SIPA1L1: variants seen among roughly 807,000 people sequenced by gnomAD.
The protein encoded by SIPA1L1 is signal induced proliferation associated 1 like 1, also known as signal-induced proliferation-associated 1-like protein 1.
Under a neutral mutation model 162.7 loss-of-function variants are expected in SIPA1L1, and 26 were observed. That is an observed-to-expected ratio of 0.16 (90% CI 0.12 to 0.22). SIPA1L1 has a LOEUF of 0.22. Among genes scored for constraint, SIPA1L1 ranks in the 10% least tolerant of loss-of-function variants. The probability of loss-of-function intolerance (pLI) is 1.00; values close to 1 mark genes in which losing one functional copy is unlikely to be tolerated. For synonymous variants in SIPA1L1, 829 were observed against 837.4 expected, an observed-to-expected ratio of 0.99 and a Z score of 0.17; for missense variants, 1,874 against 2,241.0, an observed-to-expected ratio of 0.84 and a Z score of 3.31.
chr14:71,465,642 G>A (rs559885982), intron 2 of SIPA1L1, among the ~76,000 whole-genome samples: 10 of 152,196 alleles, frequency 6.6e-5, no homozygotes, highest in South Asian at 4.2e-4. Context: ...CAGAAACCCC[G>A]AAACCAATGA....
intron 3 of SIPA1L1, among the ~76,000 whole-genome samples, chr14:71,517,407 C>T (rs2051851342): frequency 6.6e-6 from 1 of 152,112 alleles, no homozygotes. Flanking sequence ...CATCATGGTT[C>T]ACTGATTTTC....
chr14:71,674,658 G>A (rs1232325142), intron 12 of SIPA1L1, among the ~76,000 whole-genome samples: 5 of 148,928 alleles, frequency 3.4e-5, no homozygotes, highest in East Asian at 2.0e-4. Flanking sequence ...TCCGCCTCCC[G>A]GGTTCACGCC....
chr14:71,345,662 C>A (rs981367406), intron 2 of SIPA1L1, among the ~76,000 whole-genome samples: 8 of 150,468 alleles, frequency 5.3e-5, no homozygotes, highest in East Asian at 2.0e-4. Flanking sequence ...CAAGCTCTGC[C>A]TCCCGAGTTC....
At chr14:71,622,939 T>G (rs79166844) in intron 6 of SIPA1L1, among the ~76,000 whole-genome samples, 1 of 152,310 alleles carries the variant, frequency 6.6e-6, no homozygotes, top group African/African-American at 2.4e-5. Context: ...CAATAATCAC[T>G]CCTTCCCACT....
In SIPA1L1 at chr14:71,587,554, A is replaced by T. The variant is rs1485637723; in HGVS notation, c.-302-17A>T. On this transcript the variant is annotated splice_polypyrimidine_tract_variant and intron_variant, in intron 4 of 23. Coordinates refer to ENST00000381232, the MANE Select transcript of SIPA1L1 (RefSeq NM_001386936.1). ...ATGTATTTATCTGCTAATTCAAATTATCCTTTTCTCTTTTAGAGAAAGCAT... is the reference window on the plus strand; with the variant it reads ...ATGTATTTATCTGCTAATTCAAATTTTCCTTTTCTCTTTTAGAGAAAGCAT... 2.4e-6 allele frequency: 1 copy of T among 411,230 alleles called. No individual in the cohort carries two copies. The highest frequency in any genetic ancestry group is 4.3e-6 in the Non-Finnish European group (1 of 232,732). The allele number at this position is 411,230 out of a possible 1,614,324, so 25.5% of individuals were successfully genotyped here.
chr14:71,538,309 G>A (rs2054083112), intron 4 of SIPA1L1, among the ~76,000 whole-genome samples: 2 of 151,604 alleles, frequency 1.3e-5, no homozygotes, highest in African/African-American at 4.8e-5. Context: ...TAAATTAGCC[G>A]AAATAAAATT....
intron 2 of SIPA1L1, among the ~76,000 whole-genome samples, chr14:71,462,716 C>T (rs148963336): frequency 1.3e-5 from 2 of 152,254 alleles, no homozygotes; most frequent in East Asian, 3.9e-4. Context: ...GTGTCTTGCT[C>T]ACTAGATCCA....
At chr14:71,685,237 A>G in intron 12 of SIPA1L1, 125 bp from the exon 13 acceptor site, 1 of 1,031,292 alleles carries the variant, frequency 9.7e-7, no homozygotes, top group Non-Finnish European at 1.4e-6. Flanking sequence ...AAAGATTGAA[A>G]GGTGGTTTGA....
chr14:71,502,031 C>G (rs1028918647), intron 2 of SIPA1L1, among the ~76,000 whole-genome samples: 11 of 133,556 alleles, frequency 8.2e-5, no homozygotes, highest in African/African-American at 3.1e-4. Flanking sequence ...TAGTAAGACC[C>G]TGTTTCCAAA....
At chr14:71,408,873 T>G (rs922905717) in intron 2 of SIPA1L1, among the ~76,000 whole-genome samples, 2 of 152,214 alleles carry the variant, frequency 1.3e-5, no homozygotes, top group South Asian at 2.1e-4. Context: ...TGCTTATTAG[T>G]TGTGTGACCA....
intron 18 of SIPA1L1, among the ~76,000 whole-genome samples, chr14:71,724,125 A>G (rs1228365522): frequency 6.6e-6 from 1 of 152,164 alleles, no homozygotes; most frequent in Non-Finnish European, 1.5e-5. Flanking sequence ...AGATCTTGAA[A>G]AGAGTGTGTT....
At chr14:71,322,728 A>C (rs959097956) in intron 2 of SIPA1L1, among the ~76,000 whole-genome samples, 5 of 152,242 alleles carry the variant, frequency 3.3e-5, no homozygotes, top group African/African-American at 1.2e-4. Context: ...GTCTCTGACA[A>C]CTAATTTTCT....
At chr14:71,496,879 A>G (rs1208959890) in intron 2 of SIPA1L1, among the ~76,000 whole-genome samples, 1 of 152,188 alleles carries the variant, frequency 6.6e-6, no homozygotes, top group Non-Finnish European at 1.5e-5. Context: ...AATCCTTTAA[A>G]AATGATCCTG....
intron 7 of SIPA1L1, among the ~76,000 whole-genome samples, chr14:71,646,114 G>A (rs1347812371): frequency 3.3e-5 from 5 of 151,744 alleles, no homozygotes; most frequent in East Asian, 1.9e-4. Context: ...TGACTTTATC[G>A]TCCATCTTTC....
At chr14:71,502,035 T>G (rs2050258056) in intron 2 of SIPA1L1, among the ~76,000 whole-genome samples, 1 of 143,208 alleles carries the variant, frequency 7.0e-6, no homozygotes, top group African/African-American at 2.6e-5. Context: ...AAGACCCTGT[T>G]TCCAAAAAAA....
intron 2 of SIPA1L1, among the ~76,000 whole-genome samples, chr14:71,417,728 A>G (rs899929479): frequency 2.6e-5 from 4 of 151,954 alleles, no homozygotes; most frequent in South Asian, 2.1e-4. Context: ...TTTTAAGTGG[A>G]CATGCACAGT....
chr14:71,430,277 A>T (rs2043886895), intron 2 of SIPA1L1, among the ~76,000 whole-genome samples: 1 of 152,038 alleles, frequency 6.6e-6, no homozygotes, highest in Non-Finnish European at 1.5e-5. Flanking sequence ...GTCTGGTATG[A>T]TGGGGAATAT....
At position 71,377,564 on chromosome 14, in the gene SIPA1L1, C is replaced by T. The variant is rs2039518714; in HGVS notation, c.-465+56383C>T. Among the ~76,000 whole-genome samples, 1 of 152,108 alleles carries T rather than the reference C, an allele frequency of 6.6e-6. No individual in the cohort carries two copies. The highest frequency in any genetic ancestry group is 6.5e-5 in the Admixed American group (1 of 15,282). On this transcript the variant is annotated intron_variant, in intron 2 of 23. Transcript: ENST00000381232. This position sits in a 1 kb window ranked among gnomAD's most constrained non-coding sequence, Gnocchi z 4.8. ...GCCAGGCAGAGACGCTCCTCACTTC[C>T]TACACGGGGTGGCGGCCGGGCAGAG...
chr14:71,356,119 A>G (rs1249834161), intron 2 of SIPA1L1, among the ~76,000 whole-genome samples: 2 of 151,576 alleles, frequency 1.3e-5, no homozygotes. Flanking sequence ...CCCTTCTTCC[A>G]CTTTCCCTAC....
Sources: gnomAD v4.1 joint callset for allele counts (sites outside exome capture counted in the v4.1 genomes callset) on GRCh38, gnomAD v4.1.1 for gene constraint, Gnocchi (gnomAD v3.1) non-coding constraint, MANE v1.5 for transcripts, NCBI Gene and HGNC (gene_info 2026-07-23, HGNC 2026-07-21) for gene names.